TARBP1: variants seen among roughly 807,000 people sequenced by gnomAD.
TARBP1 encodes tRNA guanosine 2 -O-methyltransferase TARBP1.
A neutral mutation model predicts 178.6 loss-of-function variants in TARBP1; 144 were observed. That is an observed-to-expected ratio of 0.81 (90% CI 0.70 to 0.93). The LOEUF is 0.93. Ranked by LOEUF, TARBP1 falls within the 40% of genes least tolerant of loss-of-function variation. TARBP1 has a pLI of 0.00. For missense variants in TARBP1, 2,067 were observed against 2,011.7 expected, an observed-to-expected ratio of 1.03 and a Z score of -0.53; for synonymous variants, 787 against 781.0, an observed-to-expected ratio of 1.01 and a Z score of -0.13.
At chr1:234,416,632 C>A (rs1313709543) in intron 22 of TARBP1, among the ~76,000 whole-genome samples, 1 of 152,172 alleles carries the variant, frequency 6.6e-6, no homozygotes, top group African/African-American at 2.4e-5. Context: ...TGACGACTCA[C>A]TTAATCGTTG....
chr1:234,463,953 G>C lies in TARBP1; in HGVS notation c.1302-19C>G, dbSNP rs1163259333. On this transcript the variant is annotated intron_variant, in intron 5 of 29. Coordinates refer to ENST00000040877, the MANE Select transcript of TARBP1 (RefSeq NM_005646.4). ...TGGGGACCTACAAACAGAGAGTGGG[G>C]AAAACAAATATTTAACATTTATTTA... 1 of 1,489,202 alleles carries C rather than the reference G, an allele frequency of 6.7e-7. No individual in the cohort carries two copies. 92.2% of individuals were successfully genotyped at this position (1,489,202 alleles called of 1,614,324 possible).
Position 234,478,246 on chromosome 1 carries a change from G to A in TARBP1, c.858C>T (p.Tyr286=). 1 of 1,610,026 alleles carries A rather than the reference G, an allele frequency of 6.2e-7. No homozygotes were observed. The highest frequency in any genetic ancestry group is 8.5e-7 in the Non-Finnish European group (1 of 1,179,004). ...ACACCTCCACCGCCCTCTGCAGCAG[G>A]TAGCGCGCTCGCTTGCGCGTCAGGG... The part of the protein sequence containing the change: ...ADALTRKRAR[Y]LLQRAVEVSA... Residue 286 remains tyrosine, a synonymous_variant, in exon 1 of 30, where the codon TAC becomes TAT. Coordinates refer to ENST00000040877, the MANE Select transcript of TARBP1 (RefSeq NM_005646.4).
Position 234,425,657 on chromosome 1 carries a change from A to G in TARBP1, c.3444+16T>C. ...ACTGTTAAAAACAAAGATAATTTAAAGTAAAATACACTTACTTTATCTAAT... is the reference window on the plus strand; with the variant it reads ...ACTGTTAAAAACAAAGATAATTTAAGGTAAAATACACTTACTTTATCTAAT... On this transcript the variant is annotated intron_variant, in intron 20 of 29. Coordinates refer to ENST00000040877, the MANE Select transcript of TARBP1 (RefSeq NM_005646.4). 6.2e-7 allele frequency: 1 copy of G among 1,607,458 alleles called. No individual in the cohort carries two copies. Among genetic ancestry groups the G allele is most frequent in the Non-Finnish European group, 8.5e-7 (1 of 1,177,262 alleles).
chr1:234,406,004 T>A lies in TARBP1; in HGVS notation c.3888A>T (p.Lys1296Asn), dbSNP rs1362141906. ...TTAACACTTTACACACAGTCCAGAG[T>A]TTCTTAAGAGCAACTAAAGCATACA... ...VRLYALVALK[K>N]LWTVCKVLSV... Residue 1296 changes from lysine (K) to asparagine (N), a missense_variant, in exon 24 of 30, where the codon AAA (lysine) becomes AAT (asparagine). Lys to Asn is a moderately conservative substitution (Grantham distance 94). Transcript: ENST00000040877. 6.2e-7 allele frequency: 1 copy of A among 1,613,926 alleles called. No individual in the cohort carries two copies. Among genetic ancestry groups the A allele is most frequent in the East Asian group, 2.2e-5 (1 of 44,868 alleles).
chr1:234,445,657 T>C (rs10489895), intron 12 of TARBP1, among the ~76,000 whole-genome samples: 45,736 of 152,090 alleles, frequency 0.3, 7,090 homozygotes, highest in Admixed American at 0.41. Flanking sequence ...TATCTATATA[T>C]GCGCTAAAAA....
intron 6 of TARBP1, among the ~76,000 whole-genome samples, chr1:234,461,628 T>C (rs1026546663): frequency 1.3e-5 from 2 of 152,192 alleles, no homozygotes; most frequent in Non-Finnish European, 2.9e-5. Flanking sequence ...AAATTGTTTA[T>C]GATTAGAAGC....
At position 234,478,743 on chromosome 1, in the gene TARBP1, C is replaced by A; in HGVS notation, c.361G>T (p.Ala121Ser). ...AGRPQLAAAL[A>S]EEALRDLLAG... ...AGCAGATCGCGCAGCGCCTCCTCAG[C>A]CAGCGCGGCCGCCAGCTGCGGACGC... The change falls in exon 1 of 30, where the codon GCT (alanine) becomes TCT (serine). Residue 121 changes from alanine to serine, a missense_variant. Physicochemically the swap from Ala to Ser is moderately conservative, Grantham distance 99. Transcript: ENST00000040877. 2 of 1,173,466 alleles carry A rather than the reference C, an allele frequency of 1.7e-6. No homozygotes were observed. The highest frequency in any genetic ancestry group is 2.1e-6 in the Non-Finnish European group (2 of 951,672). The allele number at this position is 1,173,466 out of a possible 1,614,324, so 72.7% of individuals were successfully genotyped here.
At chr1:234,424,565 C>T (rs1003740509) in intron 20 of TARBP1, among the ~76,000 whole-genome samples, 4 of 152,142 alleles carry the variant, frequency 2.6e-5, no homozygotes, top group African/African-American at 7.2e-5. Flanking sequence ...ACATTTGATG[C>T]CATTTTCTCA....
At position 234,410,446 on chromosome 1, in the gene TARBP1, T is replaced by A; in HGVS notation, c.3791A>T (p.Lys1264Met). The A allele has an allele frequency of 1.4e-6, 2 of 1,459,640 alleles. No individual in the cohort carries two copies. Among genetic ancestry groups the A allele is most frequent in the Non-Finnish European group, 1.9e-6 (2 of 1,062,536 alleles). The allele number at this position is 1,459,640 out of a possible 1,614,324, so 90.4% of individuals were successfully genotyped here. The change falls in exon 23 of 30, where the codon AAG becomes ATG. Residue 1264 changes from lysine (K) to methionine (M), a missense_variant and splice_region_variant. Lys to Met is a moderately conservative substitution (Grantham distance 95, BLOSUM62 -1). Coordinates refer to ENST00000040877, the MANE Select transcript of TARBP1 (RefSeq NM_005646.4). ...LDIITQNIPE[K>M]KLILKQALIV... Reference sequence around the variant, plus strand: ...TTAAATTCTTACAAACAAACTTACCTTTTCTGGAATATTTTGAGTAATAAT... The same window carrying A: ...TTAAATTCTTACAAACAAACTTACCATTTCTGGAATATTTTGAGTAATAAT...
Position 234,478,760 on chromosome 1 carries a change from T to A in TARBP1, c.344A>T (p.Gln115Leu). The A allele has an allele frequency of 9.2e-7, 1 of 1,087,636 alleles. No homozygotes were observed. Among genetic ancestry groups the A allele is most frequent in the Non-Finnish European group, 1.1e-6 (1 of 900,472 alleles). The allele number at this position is 1,087,636 out of a possible 1,614,324, so 67.4% of individuals were successfully genotyped here. Reference sequence around the variant, plus strand: ...CTCCTCAGCCAGCGCGGCCGCCAGCTGCGGACGCCCGGCCAGGCGGACGCA... The same window carrying A: ...CTCCTCAGCCAGCGCGGCCGCCAGCAGCGGACGCCCGGCCAGGCGGACGCA... ...RSCVRLAGRP[Q>L]LAAALAEEAL... Residue 115 changes from glutamine to leucine, a missense_variant, in exon 1 of 30, where the codon CAG becomes CTG. Coordinates refer to ENST00000040877, the MANE Select transcript of TARBP1 (RefSeq NM_005646.4).
At chr1:234,434,140 C>T (rs1388675348) in intron 13 of TARBP1, among the ~76,000 whole-genome samples, 2 of 152,156 alleles carry the variant, frequency 1.3e-5, no homozygotes, top group African/African-American at 4.8e-5. Flanking sequence ...GTGTTAAGAT[C>T]TCATAATTCA....
At chr1:234,437,194 A>T in intron 13 of TARBP1, 81 bp downstream of exon 13, 2 of 736,906 alleles carry the variant, frequency 2.7e-6, no homozygotes, top group South Asian at 2.9e-5. Context: ...TTTTCAATTT[A>T]ATACAGTGTC....
intron 2 of TARBP1, 43 bp downstream of exon 2, chr1:234,472,671 T>C (rs999857501): frequency 3.0e-6 from 4 of 1,344,604 alleles, no homozygotes; most frequent in South Asian, 2.6e-5. Context: ...AAAAGAAAAA[T>C]TGTTATCTAC....
At chr1:234,466,263 G>A (rs554638002) in intron 4 of TARBP1, among the ~76,000 whole-genome samples, 17 of 152,158 alleles carry the variant, frequency 1.1e-4, no homozygotes, top group Non-Finnish European at 4.4e-5. Flanking sequence ...TATAATCCCA[G>A]CACTTTGGGA....
At position 234,429,421 on chromosome 1, in the gene TARBP1, G is replaced by A; in HGVS notation, c.2866C>T (p.Pro956Ser). The A allele has an allele frequency of 6.2e-7, 1 of 1,609,914 alleles. No individual in the cohort carries two copies. Among genetic ancestry groups the A allele is most frequent in the Non-Finnish European group, 8.5e-7 (1 of 1,178,588 alleles). Residue 956 changes from proline to serine, a missense_variant, in exon 16 of 30, where the codon CCC becomes TCC. Coordinates refer to ENST00000040877, the MANE Select transcript of TARBP1 (RefSeq NM_005646.4). Reference protein sequence around the residue: ...PVFHCLKVLVPKLLTSSESLC... With the variant: ...PVFHCLKVLVSKLLTSSESLC... ...CATGTTTCACTCTATCTTACCTTGG[G>A]AACCAACACTTTCAAGCAATGGAAC...
chr1:234,456,712 A>T (rs1335762809), intron 9 of TARBP1, among the ~76,000 whole-genome samples: 1 of 152,234 alleles, frequency 6.6e-6, no homozygotes, highest in African/African-American at 2.4e-5. Context: ...ATACTTATCT[A>T]TAATGAGAAG....
At chr1:234,467,920 A>G (rs1443569550) in intron 3 of TARBP1, among the ~76,000 whole-genome samples, 2 of 152,168 alleles carry the variant, frequency 1.3e-5, no homozygotes, top group Non-Finnish European at 2.9e-5. Context: ...GCAGGACTAC[A>G]GGTATGCAAA....
At chr1:234,459,515 A>G (rs1324826527) in intron 7 of TARBP1, among the ~76,000 whole-genome samples, 189 bp from the exon 8 acceptor site, 1 of 152,178 alleles carries the variant, frequency 6.6e-6, no homozygotes, top group Non-Finnish European at 1.5e-5. Context: ...AGTCTCTTTT[A>G]AAAATAAGAC....
intron 22 of TARBP1, among the ~76,000 whole-genome samples, chr1:234,414,916 G>A (rs745516111): frequency 3.3e-5 from 5 of 152,170 alleles, no homozygotes; most frequent in East Asian, 3.9e-4. Flanking sequence ...GCTGGGAGGC[G>A]GAGGTTGCAG....
Sources: gnomAD v4.1 joint callset for allele counts (sites outside exome capture counted in the v4.1 genomes callset) on GRCh38, gnomAD v4.1.1 for gene constraint, MANE v1.5 for transcripts, NCBI Gene and HGNC (gene_info 2026-07-23, HGNC 2026-07-21) for gene names.